Variants in IFNAR1 observed in about 807,000 individuals in gnomAD.
The protein encoded by IFNAR1 is interferon alpha/beta receptor 1.
In IFNAR1, 47 loss-of-function variants were observed where a neutral mutation model predicts 62.1. That is an observed-to-expected ratio of 0.76 (90% CI 0.60 to 0.97). IFNAR1 has a LOEUF of 0.97. Ranked by LOEUF, IFNAR1 falls within the 50% of genes least tolerant of loss-of-function variation. The probability of loss-of-function intolerance (pLI) is 0.00; values close to 1 mark genes in which losing one functional copy is unlikely to be tolerated. For synonymous variants in IFNAR1, 219 were observed against 226.9 expected (o/e 0.97, Z 0.31); for missense variants, 638 against 654.5 (o/e 0.97, Z 0.27).
intron 1 of IFNAR1, among the ~76,000 whole-genome samples, chr21:33,328,502 A>T (rs1051114412): frequency 6.6e-6 from 1 of 152,168 alleles, no homozygotes; most frequent in Admixed American, 6.5e-5. Context: ...GGTTTACGTA[A>T]CTATCTACTT....
chr21:33,337,659 T>C (rs9680441), intron 2 of IFNAR1, among the ~76,000 whole-genome samples: 1 of 151,930 alleles, frequency 6.6e-6, no homozygotes, highest in Non-Finnish European at 1.5e-5. Flanking sequence ...ATACTGTATA[T>C]ATACATTACA....
intron 2 of IFNAR1, among the ~76,000 whole-genome samples, chr21:33,340,199 C>T (rs1361969640): frequency 1.3e-5 from 2 of 151,538 alleles, no homozygotes; most frequent in Non-Finnish European, 2.9e-5. Context: ...GAAGAAATTA[C>T]GGAGACAGGC....
At chr21:33,351,686 C>T (rs1218379744) in intron 8 of IFNAR1, among the ~76,000 whole-genome samples, 1 of 151,780 alleles carries the variant, frequency 6.6e-6, no homozygotes, top group Non-Finnish European at 1.5e-5. Context: ...GTAGCTGGGA[C>T]TACAGGCACA....
chr21:33,333,626 C>CTTT (rs377630675), intron 1 of IFNAR1, among the ~76,000 whole-genome samples: 1 of 97,466 alleles, frequency 1.0e-5, no homozygotes. Flanking sequence ...TTTTTTTTTT[C>CTTT]TTTTTTTTTT....
At chr21:33,347,131 CTTTT>C (rs5843597) in intron 6 of IFNAR1, among the ~76,000 whole-genome samples, 2 of 132,278 alleles carry the variant, frequency 1.5e-5, no homozygotes, top group African/African-American at 2.8e-5. Context: ...CCTCTAGATC[CTTTT>C]TTTTTTTTTT....
intron 3 of IFNAR1, among the ~76,000 whole-genome samples, chr21:33,342,865 AAAAT>A (rs1568929858): frequency 1.4e-5 from 2 of 147,856 alleles, no homozygotes; most frequent in African/African-American, 5.0e-5. Flanking sequence ...TCAAAAAAAA[AAAAT>A]AAATAAACCA....
chr21:33,334,888 G>A, intron 1 of IFNAR1: 1 of 1,384,324 alleles, frequency 7.2e-7, no homozygotes, highest in South Asian at 1.2e-5. Flanking sequence ...AAGCTGCTGA[G>A]ATACACTATA....
chr21:33,355,607 G>A lies in IFNAR1; in HGVS notation c.*58G>A, dbSNP rs2083440656. The A allele has an allele frequency of 1.1e-6, 1 of 889,148 alleles. No individual in the cohort carries two copies. Among genetic ancestry groups the A allele is most frequent in the Non-Finnish European group, 1.7e-6 (1 of 579,248 alleles). The allele number at this position is 889,148 out of a possible 1,614,324, so 55.1% of individuals were successfully genotyped here. ...TCAGCAGGAGTTACACTGGGAGCCTGAGGTCCTCACCTTCCTCTCAGTAAC... is the reference window on the plus strand; with the variant it reads ...TCAGCAGGAGTTACACTGGGAGCCTAAGGTCCTCACCTTCCTCTCAGTAAC... On this transcript the variant is annotated 3_prime_UTR_variant, in exon 11 of 11. Transcript: ENST00000270139.
rs1293283768 is a variant in IFNAR1 at position 33,357,128 on chromosome 21, CTG to C, written c.*1580_*1581del. Reference sequence around the variant, plus strand: ...TGGATATCCTTAATAGGCAGGAAGTCTGGGAATTCTGGTGGCCTCTAGGGCAG... The same window carrying C: ...TGGATATCCTTAATAGGCAGGAAGTCGGAATTCTGGTGGCCTCTAGGGCAG... On this transcript the variant is annotated 3_prime_UTR_variant, in exon 11 of 11. Transcript: ENST00000270139. The C allele has an allele frequency of 6.6e-6, 1 of 152,246 alleles. No individual in the cohort carries two copies. The highest frequency in any genetic ancestry group is 1.5e-5 in the Non-Finnish European group (1 of 68,056). The allele number at this position is 152,246 out of a possible 1,614,324, so 9.4% of individuals were successfully genotyped here.
At chr21:33,338,274 T>C (rs1314415927) in intron 2 of IFNAR1, among the ~76,000 whole-genome samples, 1 of 152,214 alleles carries the variant, frequency 6.6e-6, no homozygotes, top group Non-Finnish European at 1.5e-5. Flanking sequence ...GGCTCACACC[T>C]GTAATCCCAG....
intron 1 of IFNAR1, among the ~76,000 whole-genome samples, chr21:33,327,991 G>T (rs541748238): frequency 6.6e-6 from 1 of 152,210 alleles, no homozygotes; most frequent in Non-Finnish European, 1.5e-5. Context: ...ATTTTATCAT[G>T]CAGATCAAGC....
At chr21:33,331,288 A>G (rs2083177809) in intron 1 of IFNAR1, among the ~76,000 whole-genome samples, 1 of 152,158 alleles carries the variant, frequency 6.6e-6, no homozygotes, top group South Asian at 2.1e-4. Context: ...CTGAAGTGGT[A>G]TACGGCATTC....
chr21:33,333,892 A>G (rs2083207346), intron 1 of IFNAR1, among the ~76,000 whole-genome samples: 1 of 152,064 alleles, frequency 6.6e-6, no homozygotes, highest in African/African-American at 2.4e-5. Flanking sequence ...CAAAGTGCGG[A>G]ATATTTTTTA....
Position 33,356,583 on chromosome 21 carries a change from C to G in IFNAR1, c.*1034C>G, listed in dbSNP as rs1404771602. 2.0e-5 allele frequency: 3 copies of G among 152,176 alleles called. No homozygotes were observed. The highest frequency in any genetic ancestry group is 4.8e-5 in the African/African-American group (2 of 41,438). The allele number at this position is 152,176 out of a possible 1,614,324, so 9.4% of individuals were successfully genotyped here. On this transcript the variant is annotated 3_prime_UTR_variant, in exon 11 of 11. Coordinates refer to ENST00000270139, the MANE Select transcript of IFNAR1 (RefSeq NM_000629.3). ...ACCTCTGATTCAAAACTTATTAGAACAGTAGCTTCTGCTGGAATTTGCAAT... is the reference window on the plus strand; with the variant it reads ...ACCTCTGATTCAAAACTTATTAGAAGAGTAGCTTCTGCTGGAATTTGCAAT...
intron 6 of IFNAR1, among the ~76,000 whole-genome samples, chr21:33,348,089 T>G (rs1479290408): frequency 6.6e-6 from 1 of 152,196 alleles, no homozygotes; most frequent in Non-Finnish European, 1.5e-5. Flanking sequence ...AGTTCTGGGC[T>G]TGAACTGAGA....
In IFNAR1 at chr21:33,358,275, T is replaced by G. The variant is rs1006032902; in HGVS notation, c.*2726T>G. 2 of 152,224 alleles carry G rather than the reference T, an allele frequency of 1.3e-5. No individual in the cohort carries two copies. Among genetic ancestry groups the G allele is most frequent in the African/African-American group, 4.8e-5 (2 of 41,458 alleles). The allele number at this position is 152,224 out of a possible 1,614,324, so 9.4% of individuals were successfully genotyped here. ...TGTTCTACATGTTGCTTTATCAGTA[T>G]ATGCTTAGCTGTAAGTGACAAGTAT... is the stretch of plus-strand genomic sequence containing the variant. On this transcript the variant is annotated 3_prime_UTR_variant, in exon 11 of 11. Coordinates refer to ENST00000270139, the MANE Select transcript of IFNAR1 (RefSeq NM_000629.3).
chr21:33,332,511 C>G lies in IFNAR1; in HGVS notation c.77-3013C>G, dbSNP rs2083190756. ...ACACCACCAAAGGAAAGTAAGAACTCTCTAATGGTGGCCCAATGAAAAGAA... is the reference window on the plus strand; with the variant it reads ...ACACCACCAAAGGAAAGTAAGAACTGTCTAATGGTGGCCCAATGAAAAGAA... On this transcript the variant is annotated intron_variant, in intron 1 of 10. Transcript: ENST00000270139. Among the ~76,000 whole-genome samples the G allele has an allele frequency of 1.3e-5, 2 of 152,158 alleles. 1 individual carries two copies. Among genetic ancestry groups the G allele is most frequent in the East Asian group, 3.8e-4 (2 of 5,206 alleles).
rs2123283180 is a variant in IFNAR1 at position 33,357,752 on chromosome 21, AC to A, written c.*2204del. 6.6e-6 allele frequency: 1 copy of A among 151,750 alleles called. No individual in the cohort carries two copies. The highest frequency in any genetic ancestry group is 2.4e-5 in the African/African-American group (1 of 41,314). 9.4% of individuals were successfully genotyped at this position (151,750 alleles called of 1,614,324 possible). On this transcript the variant is annotated 3_prime_UTR_variant, in exon 11 of 11. Transcript: ENST00000270139. The stretch of plus-strand genomic sequence containing the variant: ...ACCATGTTGGTCAGGCTGGTCTTGG[AC>A]TCCTGACCTCATGCTCCACCCGCTT...
chr21:33,328,766 C>G (rs1459118522), intron 1 of IFNAR1, among the ~76,000 whole-genome samples: 1 of 151,992 alleles, frequency 6.6e-6, no homozygotes, highest in African/African-American at 2.4e-5. Context: ...ATATAGTAAA[C>G]CATTTTGGTC....
Sources: gnomAD v4.1 joint callset for allele counts (sites outside exome capture counted in the v4.1 genomes callset) on GRCh38, gnomAD v4.1.1 for gene constraint, MANE v1.5 for transcripts, NCBI Gene and HGNC (gene_info 2026-07-23, HGNC 2026-07-21) for gene names.